The following UST variants were observed in gnomAD, a reference collection of about 807,000 sequenced individuals.
The protein encoded by UST is uronyl 2-sulfotransferase.
Under a neutral mutation model 45.6 loss-of-function variants are expected in UST, and 21 were observed. That is an observed-to-expected ratio of 0.46 (90% CI 0.33 to 0.66). The LOEUF is 0.66. UST is among the 30% of genes least tolerant of loss of function. The probability of loss-of-function intolerance (pLI) is 0.02; values close to 1 mark genes in which losing one functional copy is unlikely to be tolerated. For synonymous variants in UST, 215 were observed against 200.6 expected, an observed-to-expected ratio of 1.07 and a Z score of -0.61; for missense variants, 463 against 512.4, an observed-to-expected ratio of 0.90 and a Z score of 0.93.
intron 7 of UST, among the ~76,000 whole-genome samples, chr6:149,045,316 T>A (rs751060972): frequency 6.6e-6 from 1 of 152,256 alleles, no homozygotes; most frequent in Non-Finnish European, 1.5e-5. Context: ...CTTCATGGTA[T>A]ACTAAACTTC....
chr6:148,819,660 G>A (rs1212877883), intron 1 of UST, among the ~76,000 whole-genome samples: 1 of 152,172 alleles, frequency 6.6e-6, no homozygotes, highest in Non-Finnish European at 1.5e-5. Context: ...AAGTCAATAT[G>A]TTGTGGCTGT....
chr6:148,798,749 A>G lies in UST; in HGVS notation c.247+51072A>G, dbSNP rs148741004. On this transcript the variant is annotated intron_variant, in intron 1 of 7. Transcript: ENST00000367463. ...TGCCGAAGGTGCTTAGCCCAGAGTC[A>G]GTGCTCATAAACATTTGTTACTCTT... 1.2e-3 allele frequency among the ~76,000 whole-genome samples: 184 copies of G among 152,340 alleles called. 1 individual carries two copies. Among genetic ancestry groups the G allele is most frequent in the African/African-American group, 4.2e-3 (175 of 41,576 alleles).
chr6:148,971,732 G>A (rs926416913), intron 5 of UST, among the ~76,000 whole-genome samples: 2 of 152,244 alleles, frequency 1.3e-5, no homozygotes, highest in African/African-American at 4.8e-5. Context: ...GGGCAGGCAG[G>A]TGGTGGGCCC....
intron 2 of UST, among the ~76,000 whole-genome samples, chr6:148,925,672 C>T (rs1404088830): frequency 6.6e-6 from 1 of 152,212 alleles, no homozygotes; most frequent in Non-Finnish European, 1.5e-5. Flanking sequence ...TGCATTTCTG[C>T]ACTTGGATGC....
intron 1 of UST, among the ~76,000 whole-genome samples, chr6:148,750,369 G>A (rs1203744338): frequency 6.6e-6 from 1 of 152,198 alleles, no homozygotes; most frequent in African/African-American, 2.4e-5. Context: ...AGCATTCATA[G>A]TAAAAGCTAG....
intron 1 of UST, among the ~76,000 whole-genome samples, chr6:148,878,539 ATGTATGAGTGTGGG>A (rs1778758281): frequency 4.2e-5 from 2 of 48,180 alleles, no homozygotes; most frequent in African/African-American, 1.8e-4. Context: ...GCGGGGGGTC[ATGTATGAGTGTGGG>A]GGATCGTGTA....
rs187815106 is a variant in UST at position 148,977,473 on chromosome 6, C to T, written c.681+12910C>T. On this transcript the variant is annotated intron_variant, in intron 5 of 7. Transcript: ENST00000367463. ...ACTTTAAAATCAGCTTGTTCAGGGT[C>T]GGGCGTGGTGGCTCACGCCTGTAAT... Among the ~76,000 whole-genome samples, 88 of 152,086 alleles carry T rather than the reference C, an allele frequency of 5.8e-4. 1 individual carries two copies. Among genetic ancestry groups the T allele is most frequent in the East Asian group, 5.4e-3 (28 of 5,174 alleles).
intron 1 of UST, among the ~76,000 whole-genome samples, chr6:148,760,453 AT>A (rs1293098130): frequency 6.6e-6 from 1 of 152,082 alleles, no homozygotes; most frequent in Non-Finnish European, 1.5e-5. Context: ...GCCTCCATCC[AT>A]TTTTTGCTGT....
intron 1 of UST, among the ~76,000 whole-genome samples, chr6:148,761,623 TGGAGAA>T (rs1309901225): frequency 6.6e-6 from 1 of 151,484 alleles, no homozygotes; most frequent in Non-Finnish European, 1.5e-5. Context: ...TGCCGATTGG[TGGAGAA>T]TGCCCGGCAG....
chr6:149,045,639 T>C (rs1284711335), intron 7 of UST, among the ~76,000 whole-genome samples: 3 of 152,076 alleles, frequency 2.0e-5, no homozygotes, highest in Non-Finnish European at 4.4e-5. Context: ...CCCAAATGAT[T>C]CTAGTTCACT....
chr6:148,922,140 A>G (rs975414932), intron 2 of UST, among the ~76,000 whole-genome samples: 1 of 152,240 alleles, frequency 6.6e-6, no homozygotes, highest in Non-Finnish European at 1.5e-5. Context: ...TGTACAATTC[A>G]GTGGTTTTTA....
At chr6:148,916,033 G>A (rs1343205580) in intron 2 of UST, among the ~76,000 whole-genome samples, 1 of 152,210 alleles carries the variant, frequency 6.6e-6, no homozygotes, top group African/African-American at 2.4e-5. Flanking sequence ...CATTTAAGCT[G>A]CTTTCCTGCA....
chr6:149,074,764 A>T lies in UST; in HGVS notation c.*648A>T, dbSNP rs1458644685. ...AATTTTTTTTTTTTAAAGGAGGAGG[A>T]TCTCCATGGGTAAGTGGTTTCTACC... On this transcript the variant is annotated 3_prime_UTR_variant, in exon 8 of 8. Transcript: ENST00000367463. 6.6e-6 allele frequency: 1 copy of T among 151,506 alleles called. No homozygotes were observed. The highest frequency in any genetic ancestry group is 1.5e-5 in the Non-Finnish European group (1 of 68,076). The allele number at this position is 151,506 out of a possible 1,614,324, so 9.4% of individuals were successfully genotyped here.
chr6:148,770,086 A>G, intron 1 of UST, among the ~76,000 whole-genome samples: 1 of 152,016 alleles, frequency 6.6e-6, no homozygotes, highest in African/African-American at 2.4e-5. Flanking sequence ...TAATTTTTTC[A>G]AGATTAAAAA....
intron 2 of UST, among the ~76,000 whole-genome samples, chr6:148,919,237 C>A (rs1209276547): frequency 6.6e-6 from 1 of 152,222 alleles, no homozygotes; most frequent in East Asian, 1.9e-4. Context: ...GGTTCTGCTA[C>A]CTCCTCACTG....
At chr6:149,028,788 T>C (rs936394226) in intron 7 of UST, among the ~76,000 whole-genome samples, 5 of 152,218 alleles carry the variant, frequency 3.3e-5, no homozygotes, top group Non-Finnish European at 7.3e-5. Context: ...GACTTTTCAC[T>C]AAATGAAACC....
intron 1 of UST, among the ~76,000 whole-genome samples, chr6:148,802,711 T>A (rs577680227): frequency 6.6e-6 from 1 of 152,364 alleles, no homozygotes; most frequent in South Asian, 2.1e-4. Context: ...CCAGGTTTTA[T>A]GCTTGGGAAG....
intron 1 of UST, among the ~76,000 whole-genome samples, chr6:148,882,486 CAAA>C (rs397741900): frequency 3.5e-4 from 26 of 74,130 alleles, no homozygotes; most frequent in South Asian, 2.3e-3. Flanking sequence ...AACTCCATCT[CAAA>C]AAAAAAAAAA....
chr6:148,783,098 G>A (rs951765922), intron 1 of UST, among the ~76,000 whole-genome samples: 6 of 152,156 alleles, frequency 3.9e-5, no homozygotes, highest in South Asian at 4.1e-4. Flanking sequence ...CACCAACATC[G>A]AGACAAGACC....
Sources: gnomAD v4.1 joint callset for allele counts (sites outside exome capture counted in the v4.1 genomes callset) on GRCh38, gnomAD v4.1.1 for gene constraint, MANE v1.5 for transcripts, NCBI Gene and HGNC (gene_info 2026-07-23, HGNC 2026-07-21) for gene names.